The following FAM219A variants were observed in gnomAD, a reference collection of about 807,000 sequenced individuals.
The protein encoded by FAM219A is protein FAM219A.
In FAM219A, 7 loss-of-function variants were observed where a neutral mutation model predicts 23.4. The ratio of observed to expected loss-of-function variants is 0.30; its 90% CI spans 0.17 to 0.56. The LOEUF is 0.56. Ranked by LOEUF, FAM219A falls within the 20% of genes least tolerant of loss-of-function variation. The probability of loss-of-function intolerance (pLI) is 0.92; values close to 1 mark genes in which losing one functional copy is unlikely to be tolerated. For missense variants in FAM219A, 166 were observed against 246.9 expected, an observed-to-expected ratio of 0.67 and a Z score of 2.20; for synonymous variants, 93 against 99.0, an observed-to-expected ratio of 0.94 and a Z score of 0.36.
chr9:34,438,162 C>A (rs1564013431), intron 1 of FAM219A, among the ~76,000 whole-genome samples: 2 of 152,344 alleles, frequency 1.3e-5, no homozygotes, highest in South Asian at 2.1e-4. Context: ...TGCCTTCCTG[C>A]GGGGCAGGGC....
At chr9:34,406,106 G>C in intron 1 of FAM219A, 142 bp from the exon 2 acceptor site, 1 of 949,970 alleles carries the variant, frequency 1.1e-6, no homozygotes. Context: ...CATTCAGGGA[G>C]AGAGGGGCAG....
chr9:34,421,339 C>G (rs554351366), intron 1 of FAM219A, among the ~76,000 whole-genome samples: 1 of 152,214 alleles, frequency 6.6e-6, no homozygotes, highest in East Asian at 1.9e-4. Context: ...AACACCAACT[C>G]AGGGTGTGTT....
chr9:34,416,808 ATTTTTT>A (rs781741211), intron 1 of FAM219A, among the ~76,000 whole-genome samples: 1,250 of 113,648 alleles, frequency 0.011, 15 homozygotes, highest in Middle Eastern at 0.016. Context: ...TCAGCTCTCC[ATTTTTT>A]TTTTTTTTTT....
intron 1 of FAM219A, among the ~76,000 whole-genome samples, chr9:34,407,635 G>A (rs143521554): frequency 2.9e-4 from 44 of 152,334 alleles, no homozygotes; most frequent in African/African-American, 9.6e-4. Context: ...CCCTCTGGGA[G>A]GCTGCTCCAT....
At chr9:34,421,707 C>G (rs1822292161) in intron 1 of FAM219A, among the ~76,000 whole-genome samples, 1 of 151,750 alleles carries the variant, frequency 6.6e-6, no homozygotes, top group African/African-American at 2.4e-5. Context: ...GCCTCCCCCA[C>G]CCCCATACAA....
chr9:34,434,770 C>A (rs1199980748), intron 1 of FAM219A, among the ~76,000 whole-genome samples: 1 of 152,148 alleles, frequency 6.6e-6, no homozygotes, highest in African/African-American at 2.4e-5. Flanking sequence ...GATCTCTCAA[C>A]AGGGAGTAAG....
Position 34,398,479 on chromosome 9 carries a change from C to A in FAM219A, c.*2485G>T. On this transcript the variant is annotated 3_prime_UTR_variant, in exon 6 of 6. Coordinates refer to ENST00000651358, the MANE Select transcript of FAM219A (RefSeq NM_001184940.2). ...GACAGGGAAGGAGGGAGCCACACCCCTCCCTAGACACAGAAGCTGCCACTG... is the reference window on the plus strand; with the variant it reads ...GACAGGGAAGGAGGGAGCCACACCCATCCCTAGACACAGAAGCTGCCACTG... The A allele has an allele frequency of 8.8e-7, 1 of 1,139,452 alleles. No homozygotes were observed. Among genetic ancestry groups the A allele is most frequent in the Non-Finnish European group, 1.3e-6 (1 of 796,238 alleles). 70.6% of individuals were successfully genotyped at this position (1,139,452 alleles called of 1,614,324 possible).
intron 1 of FAM219A, among the ~76,000 whole-genome samples, chr9:34,455,266 T>C (rs1158122529): frequency 6.6e-6 from 1 of 152,096 alleles, no homozygotes; most frequent in African/African-American, 2.4e-5. Context: ...AAAGAGATAG[T>C]TTGTCTTCAT....
intron 1 of FAM219A, among the ~76,000 whole-genome samples, chr9:34,451,547 C>G (rs192832804): frequency 6.7e-6 from 1 of 148,656 alleles, no homozygotes; most frequent in Admixed American, 6.7e-5. Context: ...TTTCCAGACA[C>G]GAGGCTCCAC....
chr9:34,402,697 G>T lies in FAM219A; in HGVS notation c.263+8C>A, dbSNP rs918889083. 1.2e-6 allele frequency: 2 copies of T among 1,613,398 alleles called. No homozygotes were observed. Among genetic ancestry groups the T allele is most frequent in the African/African-American group, 2.7e-5 (2 of 74,916 alleles). On this transcript the variant is annotated splice_region_variant and intron_variant, in intron 3 of 5. Transcript: ENST00000651358. ...GCAGGGTCCAGGTGGGGTAGGGAGG[G>T]CCTCTACCTTGTTCGGGCCATGACA...
intron 1 of FAM219A, among the ~76,000 whole-genome samples, chr9:34,421,939 G>A (rs527662087): frequency 6.6e-5 from 10 of 152,062 alleles, no homozygotes; most frequent in Non-Finnish European, 1.2e-4. Flanking sequence ...TTAATACAGC[G>A]ACCACACTTG....
At chr9:34,454,175 C>T (rs186424454) in intron 1 of FAM219A, among the ~76,000 whole-genome samples, 64 of 152,274 alleles carry the variant, frequency 4.2e-4, no homozygotes, top group African/African-American at 1.4e-3. Context: ...CGGTGGCTCA[C>T]GCCTGTAATC....
chr9:34,422,553 T>G (rs1822320406), intron 1 of FAM219A, among the ~76,000 whole-genome samples: 2 of 152,306 alleles, frequency 1.3e-5, no homozygotes, highest in African/African-American at 4.8e-5. Context: ...TCTCTGGAGC[T>G]CAACACAAAC....
chr9:34,424,646 C>T (rs1822391394), intron 1 of FAM219A, among the ~76,000 whole-genome samples: 1 of 151,668 alleles, frequency 6.6e-6, no homozygotes. Flanking sequence ...GGGCCAAAGC[C>T]AACACGGACC....
At chr9:34,425,919 C>A (rs954814286) in intron 1 of FAM219A, among the ~76,000 whole-genome samples, 6 of 152,146 alleles carry the variant, frequency 3.9e-5, no homozygotes, top group Non-Finnish European at 7.3e-5. Flanking sequence ...TTTAAGTAAC[C>A]CAATAGGCTG....
At position 34,439,895 on chromosome 9, in the gene FAM219A, C is replaced by T. The variant is rs150566977; in HGVS notation, c.60+18309G>A. On this transcript the variant is annotated intron_variant, in intron 1 of 5. Coordinates refer to ENST00000651358, the MANE Select transcript of FAM219A (RefSeq NM_001184940.2). Reference sequence around the variant, plus strand: ...AGTGTAAGGGGCTACACGGGGCACTCCTGCTACTTGATGACACTTTCCTCT... The same window carrying T: ...AGTGTAAGGGGCTACACGGGGCACTTCTGCTACTTGATGACACTTTCCTCT... 1.7e-3 allele frequency among the ~76,000 whole-genome samples: 257 copies of T among 152,292 alleles called. 3 individuals are homozygous for T. Among genetic ancestry groups the T allele is most frequent in the Non-Finnish European group, 2.9e-3 (196 of 68,020 alleles).
intron 1 of FAM219A, among the ~76,000 whole-genome samples, chr9:34,432,639 C>T (rs77303982): frequency 0.016 from 2,419 of 152,258 alleles, 61 homozygotes; most frequent in African/African-American, 0.053. Flanking sequence ...TAACAGCTCT[C>T]TGGGCTTTAC....
In FAM219A at chr9:34,405,974, G is replaced by A. The variant is rs1821621947; in HGVS notation, c.61-10C>T. 8 of 1,605,474 alleles carry A rather than the reference G, an allele frequency of 5.0e-6. No homozygotes were observed. Among genetic ancestry groups the A allele is most frequent in the Non-Finnish European group, 6.8e-6 (8 of 1,175,232 alleles). ...AGGCGGCGGCTGGGTCCTGTGGGGA[G>A]AAAGCAGTAAGACAGAGAGTTGTTA... On this transcript the variant is annotated splice_polypyrimidine_tract_variant and intron_variant, in intron 1 of 5. Coordinates refer to ENST00000651358, the MANE Select transcript of FAM219A (RefSeq NM_001184940.2).
rs745334958 is a variant in FAM219A, at chr9:34,398,287, G to A, written c.*2677C>T. The A allele has an allele frequency of 8.9e-5, 138 of 1,550,654 alleles. No individual in the cohort carries two copies. Among genetic ancestry groups the A allele is most frequent in the Middle Eastern group, 1.7e-4 (1 of 6,012 alleles). On this transcript the variant is annotated 3_prime_UTR_variant, in exon 6 of 6. Coordinates refer to ENST00000651358, the MANE Select transcript of FAM219A (RefSeq NM_001184940.2). ...AAATGTTAAAAAAAATATTATACAC[G>A]GCTCATGTCTTCCACACACCTTCCT...
Sources: allele counts gnomAD v4.1 joint callset (sites outside exome capture counted in the v4.1 genomes callset), GRCh38; gene constraint gnomAD v4.1.1; transcripts MANE v1.5; gene names NCBI Gene and HGNC (gene_info 2026-07-23, HGNC 2026-07-21).